The following SCHIP1 variants were observed in gnomAD, a reference collection of about 807,000 sequenced individuals.
SCHIP1 encodes the protein schwannomin interacting protein 1.
Under a neutral mutation model 29.7 loss-of-function variants are expected in SCHIP1, and 8 were observed. The observed-to-expected ratio is 0.27, with a 90% CI of 0.16 to 0.49. The LOEUF is 0.49. Among genes scored for constraint, SCHIP1 ranks in the 20% least tolerant of loss-of-function variants. The pLI is 0.99. For synonymous variants in SCHIP1, 76 were observed against 94.9 expected (o/e 0.80, Z 1.16); for missense variants, 193 against 294.6 (o/e 0.66, Z 2.52).
At chr3:159,300,579 A>G in the SCHIP1 span, among the ~76,000 whole-genome samples, 3,928 of 152,226 alleles carry the variant, frequency 0.026, 163 homozygotes, top group African/African-American at 0.091. Flanking sequence ...CATTTGGCCA[A>G]AACTGAACTC....
chr3:159,367,695 TCA>T, the SCHIP1 span, among the ~76,000 whole-genome samples: 1 of 152,124 alleles, frequency 6.6e-6, no homozygotes, highest in African/African-American at 2.4e-5. Context: ...TTTTTCTCTC[TCA>T]CACAGAGTTA....
At chr3:159,326,337 T>C in the SCHIP1 span, among the ~76,000 whole-genome samples, 1 of 152,206 alleles carries the variant, frequency 6.6e-6, no homozygotes, top group African/African-American at 2.4e-5. Flanking sequence ...ATTGTACTAT[T>C]ACCTTATTCT....
the SCHIP1 span, among the ~76,000 whole-genome samples, chr3:159,720,485 A>C: frequency 3.6e-3 from 551 of 152,310 alleles, 3 homozygotes; most frequent in African/African-American, 0.013. Context: ...ATTATATTCT[A>C]AACACTATAG....
chr3:159,790,509 A>G, the SCHIP1 span, among the ~76,000 whole-genome samples: 4 of 152,116 alleles, frequency 2.6e-5, no homozygotes, highest in Admixed American at 2.6e-4. Context: ...ATATGGTGAA[A>G]CCCCATCTCT....
the SCHIP1 span, among the ~76,000 whole-genome samples, chr3:159,295,708 A>T: frequency 5.9e-5 from 9 of 152,196 alleles, no homozygotes; most frequent in East Asian, 1.9e-4. Context: ...TACTGTATAG[A>T]TTTCTGTTCA....
At chr3:159,704,417 TAAAAAAA>T in the SCHIP1 span, among the ~76,000 whole-genome samples, 19 of 92,642 alleles carry the variant, frequency 2.1e-4, no homozygotes, top group African/African-American at 3.3e-4. Context: ...CAATTTTTTC[TAAAAAAA>T]AAAAAAAAAA....
At chr3:159,416,520 G>A in the SCHIP1 span, among the ~76,000 whole-genome samples, 1 of 152,270 alleles carries the variant, frequency 6.6e-6, no homozygotes, top group Non-Finnish European at 1.5e-5. Flanking sequence ...TAAATAAGCA[G>A]ACTTTCATTT....
At chr3:159,749,301 C>T in the SCHIP1 span, among the ~76,000 whole-genome samples, 1 of 151,800 alleles carries the variant, frequency 6.6e-6, no homozygotes, top group Non-Finnish European at 1.5e-5. Context: ...TGAGCTTGTG[C>T]CACTGCACTC....
chr3:159,846,041 A>G (rs529726223), intron 1 of SCHIP1: 9 of 152,200 alleles, frequency 5.9e-5, no homozygotes, highest in Non-Finnish European at 1.3e-4. Flanking sequence ...CCCAGAGACA[A>G]TGCATTAAGA....
At chr3:159,294,711 T>C in the SCHIP1 span, among the ~76,000 whole-genome samples, 1 of 152,216 alleles carries the variant, frequency 6.6e-6, no homozygotes, top group Admixed American at 6.5e-5. Context: ...ATTGGACTTT[T>C]CAGAGAAGGG....
the SCHIP1 span, among the ~76,000 whole-genome samples, chr3:159,485,044 A>G: frequency 6.6e-6 from 1 of 152,200 alleles, no homozygotes; most frequent in South Asian, 2.1e-4. Flanking sequence ...CAAGCGCCAG[A>G]CTTTTCTACT....
the SCHIP1 span, among the ~76,000 whole-genome samples, chr3:159,297,406 ATTTCCACTAACAG>A: frequency 1.3e-5 from 2 of 152,080 alleles, no homozygotes; most frequent in East Asian, 3.9e-4. Context: ...ACCAATTTAC[ATTTCCACTAACAG>A]TTGCACTTGG....
intron 1 of SCHIP1, among the ~76,000 whole-genome samples, chr3:159,851,826 T>G (rs1712683887): frequency 3.3e-5 from 5 of 152,028 alleles, no homozygotes; most frequent in African/African-American, 9.7e-5. Flanking sequence ...GGTCCTGGGG[T>G]TTGAAGGAGA....
chr3:159,288,850 T>C, the SCHIP1 span, among the ~76,000 whole-genome samples: 1 of 152,088 alleles, frequency 6.6e-6, no homozygotes, highest in Non-Finnish European at 1.5e-5. Flanking sequence ...GTGGTGAGGG[T>C]AGTCAGATTT....
chr3:159,733,239 G>A, the SCHIP1 span, among the ~76,000 whole-genome samples: 8 of 151,978 alleles, frequency 5.3e-5, no homozygotes, highest in Admixed American at 4.6e-4. Context: ...TTTCCTCCAT[G>A]GTCTGGAGCC....
upstream of SCHIP1, among the ~76,000 whole-genome samples, chr3:159,838,726 C>CA (rs201778667): frequency 4.0e-5 from 6 of 150,684 alleles, no homozygotes; most frequent in Non-Finnish European, 8.9e-5. Context: ...CCGTCTCTAC[C>CA]AAAAAAAATA....
chr3:159,450,341 C>T, the SCHIP1 span, among the ~76,000 whole-genome samples: 1 of 152,104 alleles, frequency 6.6e-6, no homozygotes, highest in African/African-American at 2.4e-5. Flanking sequence ...AACAAAATGC[C>T]CCTAACTCCA....
At chr3:159,423,417 G>T in the SCHIP1 span, among the ~76,000 whole-genome samples, 1 of 152,234 alleles carries the variant, frequency 6.6e-6, no homozygotes, top group East Asian at 1.9e-4. Context: ...CGCACACCTG[G>T]CTCAGAGGGT....
the SCHIP1 span, among the ~76,000 whole-genome samples, chr3:159,640,248 T>A: frequency 6.6e-6 from 1 of 152,162 alleles, no homozygotes; most frequent in Non-Finnish European, 1.5e-5. Flanking sequence ...GGAACATTGA[T>A]TCCCAGGGTA....
Sources: gnomAD v4.1 joint callset for allele counts (sites outside exome capture counted in the v4.1 genomes callset) on GRCh38, gnomAD v4.1.1 for gene constraint, MANE v1.5 for transcripts, NCBI Gene and HGNC (gene_info 2026-07-23, HGNC 2026-07-21) for gene names.